Variants in TXNRD1 observed in about 807,000 individuals in gnomAD.
The protein encoded by TXNRD1 is thioredoxin reductase 1, also known as thioredoxin reductase 1, cytoplasmic.
In TXNRD1, 57 loss-of-function variants were observed where a neutral mutation model predicts 80.3. The observed-to-expected ratio is 0.71, with a 90% CI of 0.57 to 0.89. TXNRD1 has a LOEUF of 0.89. TXNRD1 is among the 40% of genes least tolerant of loss of function. TXNRD1 has a pLI of 0.00. For synonymous variants in TXNRD1, 291 were observed against 285.2 expected, an observed-to-expected ratio of 1.02 and a Z score of -0.20; for missense variants, 730 against 803.0, an observed-to-expected ratio of 0.91 and a Z score of 1.10.
At chr12:104,280,804 C>T (rs2033861078) in intron 3 of TXNRD1, 1 of 152,032 alleles carries the variant, frequency 6.6e-6, no homozygotes, top group South Asian at 2.1e-4. Flanking sequence ...CTTGAATTTC[C>T]AGCCTATCAG....
In TXNRD1 at chr12:104,327,619, T is replaced by G; in HGVS notation, c.1490T>G (p.Ile497Ser). 6.2e-7 allele frequency: 1 copy of G among 1,613,602 alleles called. No homozygotes were observed. Among genetic ancestry groups the G allele is most frequent in the Non-Finnish European group, 8.5e-7 (1 of 1,179,826 alleles). Residue 497 changes from isoleucine (I) to serine (S), a missense_variant, in exon 13 of 17, where the codon ATC (isoleucine) becomes AGC (serine). Transcript: ENST00000525566. The part of the protein sequence containing the change: ...EDKVELTPVA[I>S]QAGRLLAQRL... The stretch of plus-strand genomic sequence containing the variant: ...AAGGTGGAGCTCACCCCAGTTGCAA[T>G]CCAGGCAGGAAGATTGCTGGCTCAG...
intron 4 of TXNRD1, chr12:104,291,101 T>G: frequency 1.5e-6 from 1 of 667,220 alleles, no homozygotes; most frequent in Non-Finnish European, 2.7e-6. Context: ...CGACATTTAG[T>G]GAGGTATAGT....
intron 1 of TXNRD1, among the ~76,000 whole-genome samples, chr12:104,247,776 G>A (rs1419737655): frequency 2.6e-5 from 4 of 152,118 alleles, no homozygotes. Flanking sequence ...CTAATAGTTG[G>A]GTGGTGCCCT....
At chr12:104,270,625 A>G (rs1056450553) in intron 3 of TXNRD1, among the ~76,000 whole-genome samples, 1 of 152,186 alleles carries the variant, frequency 6.6e-6, no homozygotes, top group Admixed American at 6.6e-5. Context: ...TCTCCTGTTT[A>G]AATCATAAGT....
At chr12:104,328,244 GT>G (rs11303538) in intron 13 of TXNRD1, among the ~76,000 whole-genome samples, 10,769 of 151,550 alleles carry the variant, frequency 0.071, 655 homozygotes, top group African/African-American at 0.16. Flanking sequence ...GATTAATCAA[GT>G]TTTCAGCACT....
At chr12:104,287,650 C>T (rs7962942) in intron 3 of TXNRD1, among the ~76,000 whole-genome samples, 33,718 of 152,042 alleles carry the variant, frequency 0.22, 3,833 homozygotes, top group Middle Eastern at 0.3. Context: ...TCAGAAAGAT[C>T]AAGTGGCGTG....
chr12:104,298,753 AT>A (rs1442593685), intron 4 of TXNRD1, among the ~76,000 whole-genome samples: 1 of 151,346 alleles, frequency 6.6e-6, no homozygotes, highest in Non-Finnish European at 1.5e-5. Flanking sequence ...AAAAAATTAA[AT>A]TTTTTTCTGT....
intron 3 of TXNRD1, among the ~76,000 whole-genome samples, chr12:104,268,720 T>C (rs923581323): frequency 6.6e-6 from 1 of 151,898 alleles, no homozygotes; most frequent in African/African-American, 2.4e-5. Context: ...TTTCACCACA[T>C]TGGCCAGGCT....
intron 3 of TXNRD1, among the ~76,000 whole-genome samples, chr12:104,271,634 A>T (rs1454491510): frequency 6.6e-6 from 1 of 152,194 alleles, no homozygotes; most frequent in African/African-American, 2.4e-5. Flanking sequence ...TACATTGATC[A>T]GTCAGGGTGG....
intron 4 of TXNRD1, among the ~76,000 whole-genome samples, chr12:104,301,530 G>T (rs1313934155): frequency 2.6e-5 from 4 of 152,072 alleles, no homozygotes; most frequent in African/African-American, 9.7e-5. Context: ...GTAGAGACGG[G>T]GTTTCACCGT....
chr12:104,338,840 T>C (rs1441643384), intron 15 of TXNRD1, among the ~76,000 whole-genome samples: 3 of 151,810 alleles, frequency 2.0e-5, no homozygotes, highest in Non-Finnish European at 4.4e-5. Flanking sequence ...CCTCAGCCTC[T>C]CAAGTAGCTG....
intron 16 of TXNRD1, among the ~76,000 whole-genome samples, chr12:104,347,554 A>C (rs1483981318): frequency 6.6e-6 from 1 of 152,166 alleles, no homozygotes; most frequent in African/African-American, 2.4e-5. Flanking sequence ...AGTCAAGCCA[A>C]AGTTTCACCT....
intron 14 of TXNRD1, 86 bp from the exon 15 acceptor site, chr12:104,334,151 G>C: frequency 4.0e-6 from 2 of 496,672 alleles, no homozygotes; most frequent in East Asian, 7.0e-5. Flanking sequence ...ACTTATTAAA[G>C]AGTCTCTACT....
chr12:104,265,555 C>T (rs1482551229), intron 3 of TXNRD1: 44 of 1,608,206 alleles, frequency 2.7e-5, no homozygotes, highest in South Asian at 1.9e-4. Flanking sequence ...GATCTGGCTG[C>T]GCTATGACTC....
At chr12:104,322,479 C>A (rs902817671) in intron 10 of TXNRD1, among the ~76,000 whole-genome samples, 1 of 139,442 alleles carries the variant, frequency 7.2e-6, no homozygotes, top group Admixed American at 7.8e-5. Context: ...CTCCCAAGTT[C>A]AAGCGATTCT....
At chr12:104,291,667 A>G (rs1452250800) in intron 4 of TXNRD1, among the ~76,000 whole-genome samples, 1 of 151,994 alleles carries the variant, frequency 6.6e-6, no homozygotes, top group Non-Finnish European at 1.5e-5. Context: ...TATTTTTAGT[A>G]GAGACAAGGT....
intron 3 of TXNRD1, among the ~76,000 whole-genome samples, chr12:104,285,431 T>A (rs1303882313): frequency 1.3e-5 from 2 of 152,220 alleles, no homozygotes; most frequent in Admixed American, 1.3e-4. Flanking sequence ...ATCTTTGCTA[T>A]AATTTGCTCA....
chr12:104,319,202 C>T, intron 8 of TXNRD1, 147 bp downstream of exon 8: 5 of 1,054,992 alleles, frequency 4.7e-6, no homozygotes, highest in Non-Finnish European at 6.7e-6. Flanking sequence ...ATCATATCAT[C>T]CTATGGGGCC....
intron 1 of TXNRD1, among the ~76,000 whole-genome samples, chr12:104,247,230 G>A (rs1398746345): frequency 6.6e-6 from 1 of 152,076 alleles, no homozygotes; most frequent in Non-Finnish European, 1.5e-5. Context: ...ATTATGCCTG[G>A]CTAATTTTTG....
Sources: allele counts gnomAD v4.1 joint callset (sites outside exome capture counted in the v4.1 genomes callset), GRCh38; gene constraint gnomAD v4.1.1; transcripts MANE v1.5; gene names NCBI Gene and HGNC (gene_info 2026-07-23, HGNC 2026-07-21).